The following KCNK10 variants were observed in gnomAD, a reference collection of about 807,000 sequenced individuals.
KCNK10 encodes the protein potassium channel subfamily K member 10.
KCNK10 carries 25 observed loss-of-function variants against 47.7 expected under a neutral mutation model. That is an observed-to-expected ratio of 0.52 (90% CI 0.38 to 0.73). KCNK10 has a LOEUF of 0.73. Ranked by LOEUF, KCNK10 falls within the 30% of genes least tolerant of loss-of-function variation. KCNK10 has a pLI of 0.00. For synonymous variants in KCNK10, 303 were observed against 285.6 expected, an observed-to-expected ratio of 1.06 and a Z score of -0.61; for missense variants, 563 against 714.5, an observed-to-expected ratio of 0.79 and a Z score of 2.42.
chr14:88,200,801 A>T (rs1885076938), intron 4 of KCNK10, among the ~76,000 whole-genome samples: 1 of 152,236 alleles, frequency 6.6e-6, no homozygotes, highest in Non-Finnish European at 1.5e-5. Flanking sequence ...CCCCAGTCTC[A>T]CAGAGCTAGT....
Position 88,186,235 on chromosome 14 carries a change from T to C in KCNK10, c.1012-80A>G. 6.8e-7 allele frequency: 1 copy of C among 1,468,182 alleles called. No individual in the cohort carries two copies. Among genetic ancestry groups the C allele is most frequent in the Non-Finnish European group, 9.0e-7 (1 of 1,105,628 alleles). The allele number at this position is 1,468,182 out of a possible 1,614,324, so 90.9% of individuals were successfully genotyped here. ...CCTCCCAGCACCCACAGCCCTCGGG[T>C]GTCCCCACGGGGAGGCCAGGAGGTG... On this transcript the variant is annotated intron_variant, in intron 6 of 6. Transcript: ENST00000319231. This position sits in a 1 kb window ranked among gnomAD's most constrained non-coding sequence, Gnocchi z 5.5.
chr14:88,270,446 A>G (rs1405956498), intron 1 of KCNK10, among the ~76,000 whole-genome samples: 2 of 152,208 alleles, frequency 1.3e-5, no homozygotes, highest in Non-Finnish European at 2.9e-5. Context: ...GATCCCAGTA[A>G]GAATGGCAGT....
chr14:88,310,229 G>C (rs61977019), intron 1 of KCNK10, among the ~76,000 whole-genome samples: 4,564 of 35,518 alleles, frequency 0.13, 292 homozygotes, highest in Non-Finnish European at 0.23. Context: ...TATGGTATAT[G>C]ATATACCATA....
At chr14:88,189,751 A>C (rs1477260218) in intron 5 of KCNK10, among the ~76,000 whole-genome samples, 1 of 152,216 alleles carries the variant, frequency 6.6e-6, no homozygotes, top group Non-Finnish European at 1.5e-5. Flanking sequence ...TACTATGTCG[A>C]ATCACAGCAA....
intron 1 of KCNK10, among the ~76,000 whole-genome samples, chr14:88,316,723 T>G (rs1888437689): frequency 6.6e-6 from 1 of 152,224 alleles, no homozygotes; most frequent in Non-Finnish European, 1.5e-5. Flanking sequence ...CCAAGGGAGC[T>G]GTCCAAACTG....
intron 1 of KCNK10, among the ~76,000 whole-genome samples, chr14:88,266,851 G>A (rs938718417): frequency 6.6e-6 from 1 of 152,308 alleles, no homozygotes. Flanking sequence ...GCTGGACTCC[G>A]TCACTGACCT....
At chr14:88,312,535 C>T (rs1034870185) in intron 1 of KCNK10, among the ~76,000 whole-genome samples, 1 of 152,230 alleles carries the variant, frequency 6.6e-6, no homozygotes, top group African/African-American at 2.4e-5. Flanking sequence ...AGCATTTCTA[C>T]TGCTCGGCCT....
At chr14:88,201,546 G>T (rs1225768371) in intron 4 of KCNK10, among the ~76,000 whole-genome samples, 1 of 152,098 alleles carries the variant, frequency 6.6e-6, no homozygotes, top group Admixed American at 6.5e-5. Context: ...TGTAATCCCA[G>T]CTACTTGGGA....
intron 4 of KCNK10, among the ~76,000 whole-genome samples, chr14:88,219,303 A>G (rs1443205523): frequency 6.6e-6 from 1 of 152,188 alleles, no homozygotes; most frequent in African/African-American, 2.4e-5. Context: ...AAAAGAATGC[A>G]TTCCAAACCC....
At chr14:88,320,709 C>T (rs1888528896) in intron 1 of KCNK10, among the ~76,000 whole-genome samples, 1 of 152,224 alleles carries the variant, frequency 6.6e-6, no homozygotes, top group African/African-American at 2.4e-5. Context: ...TCCGCTTCTC[C>T]ATGCCCACAG....
intron 4 of KCNK10, among the ~76,000 whole-genome samples, chr14:88,216,396 T>C (rs1366059376): frequency 6.6e-6 from 1 of 152,146 alleles, no homozygotes; most frequent in Non-Finnish European, 1.5e-5. Context: ...AGGACACATT[T>C]AGTAATGTCT....
chr14:88,315,846 G>A (rs555734805), intron 1 of KCNK10, among the ~76,000 whole-genome samples: 2 of 152,198 alleles, frequency 1.3e-5, no homozygotes, highest in South Asian at 4.2e-4. Flanking sequence ...GAGCAATTGA[G>A]ATCAAGACTC....
chr14:88,289,051 T>C (rs1943839525), intron 1 of KCNK10, among the ~76,000 whole-genome samples: 1 of 152,168 alleles, frequency 6.6e-6, no homozygotes, highest in African/African-American at 2.4e-5. Flanking sequence ...ATCTAGAATA[T>C]ATGATTCAAC....
chr14:88,210,215 T>C (rs1320436575), intron 4 of KCNK10, among the ~76,000 whole-genome samples: 1 of 152,140 alleles, frequency 6.6e-6, no homozygotes, highest in African/African-American at 2.4e-5. Context: ...GAAGTAGACA[T>C]AGCATGGATC....
intron 4 of KCNK10, among the ~76,000 whole-genome samples, chr14:88,219,131 A>G (rs1485927814): frequency 6.6e-6 from 1 of 152,160 alleles, no homozygotes; most frequent in African/African-American, 2.4e-5. Flanking sequence ...TGAGTCTCAC[A>G]ATAGTAGTAT....
intron 6 of KCNK10, among the ~76,000 whole-genome samples, chr14:88,187,617 C>G (rs1884608109): frequency 9.7e-6 from 1 of 102,704 alleles, no homozygotes; most frequent in African/African-American, 3.1e-5. Flanking sequence ...ACCGGAAGGA[C>G]AGGCTGCACC....
intron 4 of KCNK10, among the ~76,000 whole-genome samples, chr14:88,220,742 C>G (rs962948748): frequency 4.6e-5 from 7 of 151,952 alleles, no homozygotes; most frequent in African/African-American, 1.7e-4. Context: ...ATGTAAAATG[C>G]AAAAGTATAA....
intron 1 of KCNK10, among the ~76,000 whole-genome samples, chr14:88,280,070 G>A (rs988899202): frequency 3.3e-5 from 5 of 152,116 alleles, no homozygotes; most frequent in African/African-American, 7.2e-5. Flanking sequence ...TATCAGCAGC[G>A]TGAAAATGGA....
At chr14:88,213,190 C>T (rs1885516031) in intron 4 of KCNK10, among the ~76,000 whole-genome samples, 1 of 152,100 alleles carries the variant, frequency 6.6e-6, no homozygotes, top group African/African-American at 2.4e-5. Context: ...AATAAGGGCA[C>T]CTCTCAATTT....
Sources: allele counts gnomAD v4.1 joint callset (sites outside exome capture counted in the v4.1 genomes callset), GRCh38; gene constraint gnomAD v4.1.1; non-coding constraint Gnocchi (gnomAD v3.1); transcripts MANE v1.5; gene names NCBI Gene and HGNC (gene_info 2026-07-23, HGNC 2026-07-21).